ANKS1B: variants seen among roughly 807,000 people sequenced by gnomAD.
ANKS1B encodes ankyrin repeat and sterile alpha motif domain containing 1B.
ANKS1B carries 36 observed loss-of-function variants against 148.3 expected under a neutral mutation model. That is an observed-to-expected ratio of 0.24 (90% confidence interval 0.19 to 0.32). The LOEUF (loss-of-function observed/expected upper bound fraction) is 0.32. ANKS1B is among the 10% of genes least tolerant of loss of function. The pLI is 1.00. For missense variants in ANKS1B, 1,157 were observed against 1,542.6 expected (o/e 0.75, Z 4.19); for synonymous variants, 542 against 560.8 (o/e 0.97, Z 0.47).
At chr12:99,943,341 G>A (rs2094967209) in intron 1 of ANKS1B, among the ~76,000 whole-genome samples, 4 of 152,134 alleles carry the variant, frequency 2.6e-5, no homozygotes, top group African/African-American at 9.7e-5. Context: ...TAAAACTGCA[G>A]CACAAAATAA....
intron 9 of ANKS1B, among the ~76,000 whole-genome samples, chr12:99,611,628 T>C (rs181723096): frequency 6.6e-6 from 1 of 152,088 alleles, no homozygotes; most frequent in African/African-American, 2.4e-5. Context: ...GACATCTCCA[T>C]CTTATGTGAA....
chr12:98,804,589 A>T (rs1363112307), intron 20 of ANKS1B, among the ~76,000 whole-genome samples: 1 of 152,236 alleles, frequency 6.6e-6, no homozygotes. Context: ...GCTGGGATTC[A>T]GCTGTACCTG....
intron 17 of ANKS1B, among the ~76,000 whole-genome samples, chr12:98,917,548 C>G (rs1198765058): frequency 6.6e-6 from 1 of 152,192 alleles, no homozygotes; most frequent in Admixed American, 6.5e-5. Context: ...GAAAAACAGT[C>G]CAATTAATAC....
intron 17 of ANKS1B, among the ~76,000 whole-genome samples, chr12:99,025,703 C>A (rs1198250444): frequency 6.6e-6 from 1 of 152,162 alleles, no homozygotes; most frequent in Non-Finnish European, 1.5e-5. Flanking sequence ...TTGACTCTGT[C>A]TCTCATGATC....
chr12:99,585,062 A>G lies in ANKS1B; in HGVS notation c.1272+70005T>C, dbSNP rs527594378. ...CAACAGTGCCTCAATATCTTAACTC[A>G]TTCCAGCATTAACTCAAAAGTCCAC... is the stretch of plus-strand genomic sequence containing the variant. On this transcript the variant is annotated intron_variant, in intron 9 of 26. Transcript: ENST00000683438. Among the ~76,000 whole-genome samples the G allele has an allele frequency of 9.7e-4, 147 of 152,258 alleles. 1 individual carries two copies. Among genetic ancestry groups the G allele is most frequent in the Admixed American group, 1.4e-3 (22 of 15,292 alleles).
chr12:99,959,160 A>G (rs764009521), intron 1 of ANKS1B, among the ~76,000 whole-genome samples: 12 of 149,816 alleles, frequency 8.0e-5, no homozygotes, highest in Non-Finnish European at 1.5e-4. Context: ...TCCCGGGTTC[A>G]AGCGATTCTC....
intron 11 of ANKS1B, among the ~76,000 whole-genome samples, chr12:99,436,170 T>G (rs2095457512): frequency 6.6e-6 from 1 of 152,020 alleles, no homozygotes; most frequent in African/African-American, 2.4e-5. Context: ...TTTTCAAAAC[T>G]ATTATTCTCT....
Position 99,814,107 on chromosome 12 carries a change from G to A in ANKS1B, c.216-1796C>T, listed in dbSNP as rs912867799. ...TGCAGGCATGTAACTCGGGAGCAAC[G>A]GGTCATACCATGTAGCCTAGGTGTG... On this transcript the variant is annotated intron_variant, in intron 2 of 26. Transcript: ENST00000683438. 5.3e-5 allele frequency among the ~76,000 whole-genome samples: 8 copies of A among 151,604 alleles called. No individual in the cohort carries two copies. The South Asian group carries it at 1.5e-3, about 27-fold the overall frequency.
At chr12:99,244,840 C>T (rs1388742) in intron 13 of ANKS1B, among the ~76,000 whole-genome samples, 9,266 of 152,170 alleles carry the variant, frequency 0.061, 546 homozygotes, top group East Asian at 0.22. Flanking sequence ...GTGGAGAGCA[C>T]GGCCACAGGA....
intron 12 of ANKS1B, among the ~76,000 whole-genome samples, chr12:99,304,737 A>G (rs1020008870): frequency 2.6e-5 from 4 of 152,118 alleles, no homozygotes; most frequent in Non-Finnish European, 4.4e-5. Context: ...CTCTGGGAAT[A>G]TGTCTGATGG....
chr12:99,449,843 A>G (rs2095697633), intron 10 of ANKS1B, among the ~76,000 whole-genome samples: 1 of 152,280 alleles, frequency 6.6e-6, no homozygotes, highest in East Asian at 1.9e-4. Flanking sequence ...CCTTTGAGAC[A>G]TTGTACTGTT....
rs371314391 is a variant in ANKS1B at position 99,715,600 on chromosome 12, C to T, written c.1128+57322G>A. ...CACGGATGCGCATGAAATTTGGTGC[C>T]GTGACTCGGATCAGGGGACCCTTGG... On this transcript the variant is annotated intron_variant, in intron 8 of 26. Transcript: ENST00000683438. Among the ~76,000 whole-genome samples, 221 of 152,256 alleles carry T rather than the reference C, an allele frequency of 1.5e-3. 6 individuals are homozygous for T. In the South Asian group the frequency reaches 0.042, roughly 29 times the overall value.
chr12:99,540,842 T>C (rs1181743185), intron 9 of ANKS1B, among the ~76,000 whole-genome samples: 1 of 150,994 alleles, frequency 6.6e-6, no homozygotes. Context: ...TTCAAAGAAA[T>C]GTAAGTTGGT....
intron 17 of ANKS1B, among the ~76,000 whole-genome samples, chr12:98,997,972 C>A (rs987831814): frequency 6.6e-6 from 1 of 151,850 alleles, no homozygotes; most frequent in African/African-American, 2.4e-5. Context: ...TTTTAATTAC[C>A]CCTGATAATG....
chr12:99,484,020 C>CT (rs1567191024), intron 10 of ANKS1B, among the ~76,000 whole-genome samples: 2 of 151,706 alleles, frequency 1.3e-5, no homozygotes, highest in South Asian at 4.2e-4. Context: ...TCTTTGTTAT[C>CT]TTTTTTCTTC....
chr12:98,978,671 TA>T (rs1175129983), intron 17 of ANKS1B, among the ~76,000 whole-genome samples: 1 of 152,148 alleles, frequency 6.6e-6, no homozygotes, highest in Non-Finnish European at 1.5e-5. Context: ...CTTTAAATAA[TA>T]TACCAATTAA....
intron 4 of ANKS1B, among the ~76,000 whole-genome samples, chr12:99,790,118 G>C (rs1436734353): frequency 1.3e-5 from 2 of 152,152 alleles, no homozygotes; most frequent in African/African-American, 4.8e-5. Flanking sequence ...AAAGCAGTAA[G>C]AGAAAATAAA....
Position 99,775,629 on chromosome 12 carries a change from G to C in ANKS1B, c.880C>G (p.Leu294Val), listed in dbSNP as rs763491673. Residue 294 changes from leucine to valine, a missense_variant, in exon 7 of 27, where the codon CTC becomes GTC. Leu to Val is a conservative substitution (Grantham distance 32). Around this residue, in one of 6 missense-constraint regions of ANKS1B, gnomAD observed 661 missense variants for 642.1 expected, o/e 1.03. Coordinates refer to ENST00000683438, the MANE Select transcript of ANKS1B (RefSeq NM_001352186.2). ...GCATCTTCCTGTACAGGCTCTTCGAGGACTGTAGATCTTCCCACGCCTTCT... is the reference window on the plus strand; with the variant it reads ...GCATCTTCCTGTACAGGCTCTTCGACGACTGTAGATCTTCCCACGCCTTCT... ...YLEGVGRSTV[L>V]EEPVQEDATQ... 6.2e-7 allele frequency: 1 copy of C among 1,611,440 alleles called. No homozygotes were observed. The highest frequency in any genetic ancestry group is 8.5e-7 in the Non-Finnish European group (1 of 1,178,106).
Position 98,801,117 on chromosome 12 carries a change from G to A in ANKS1B, c.3150C>T (p.Asp1050=). 6.2e-7 allele frequency: 1 copy of A among 1,612,030 alleles called. No individual in the cohort carries two copies. Among genetic ancestry groups the A allele is most frequent in the Non-Finnish European group, 8.5e-7 (1 of 1,178,988 alleles). ...GCAAGGTAATGGAAGGTTCTCCCCA[G>A]TCTCCTGTCTGAAAATGACATTTAT... ...SAIHQVHNTG[D]WGEPSITLRP... Residue 1050 remains aspartate (D), a synonymous_variant, in exon 21 of 27, where the codon GAC becomes GAT. Coordinates refer to ENST00000683438, the MANE Select transcript of ANKS1B (RefSeq NM_001352186.2). This position sits in a 1 kb window ranked among gnomAD's most constrained non-coding sequence, Gnocchi z 5.2.
Sources: allele counts gnomAD v4.1 joint callset (sites outside exome capture counted in the v4.1 genomes callset), GRCh38; gene constraint gnomAD v4.1.1; regional missense constraint gnomAD v4.1.1; non-coding constraint Gnocchi (gnomAD v3.1); transcripts MANE v1.5; gene names NCBI Gene and HGNC (gene_info 2026-07-23, HGNC 2026-07-21).